The following PDE4D variants were observed in gnomAD, a reference collection of about 807,000 sequenced individuals.
PDE4D encodes the protein phosphodiesterase 4D.
PDE4D carries 24 observed loss-of-function variants against 87.4 expected under a neutral mutation model. The ratio of observed to expected loss-of-function variants is 0.27; its 90% CI spans 0.20 to 0.39. The LOEUF (loss-of-function observed/expected upper bound fraction) is 0.39. Among genes scored for constraint, PDE4D ranks in the 10% least tolerant of loss-of-function variants. The pLI, the probability that PDE4D is intolerant of heterozygous loss-of-function variation, is 1.00. For synonymous variants in PDE4D, 384 were observed against 383.2 expected (o/e 1.00, Z -0.02); for missense variants, 714 against 1,041.0 (o/e 0.69, Z 4.32).
At chr5:59,638,805 T>C (rs939414758) in intron 1 of PDE4D, among the ~76,000 whole-genome samples, 1 of 152,100 alleles carries the variant, frequency 6.6e-6, no homozygotes, top group Non-Finnish European at 1.5e-5. Flanking sequence ...ACAAATTTTC[T>C]TGAAAAAATG....
rs576299040 is a variant in PDE4D at position 60,197,436 on chromosome 5, T to C, written c.-89-11749A>G. ...CTCCTTAAGAAAAATACAAGTGAAT[T>C]ATTTTAAGACCTAATAATACTCTTG... is the stretch of plus-strand genomic sequence containing the variant. On this transcript the variant is annotated intron_variant, in intron 1 of 16. Coordinates refer to the PDE4D transcript ENST00000502484. Among the ~76,000 whole-genome samples, 46 of 151,702 alleles carry C rather than the reference T, an allele frequency of 3.0e-4. 1 individual carries two copies. The highest frequency in any genetic ancestry group is 5.8e-4 in the Non-Finnish European group (39 of 67,740).
chr5:59,486,242 A>G (rs1805125235), intron 1 of PDE4D, among the ~76,000 whole-genome samples: 1 of 152,138 alleles, frequency 6.6e-6, no homozygotes, highest in Non-Finnish European at 1.5e-5. Flanking sequence ...CTAGGAAACC[A>G]CATTATTTGA....
Position 59,270,746 on chromosome 5 carries a change from T to C in PDE4D, c.456-54778A>G, listed in dbSNP as rs908089556. On this transcript the variant is annotated intron_variant, in intron 1 of 14. Coordinates refer to ENST00000340635, the MANE Select transcript of PDE4D (RefSeq NM_001104631.2). ...AATGCATCTAGAAATATTCACAACATGAACACTTTTATGGCCATTAAAAAG... is the reference window on the plus strand; with the variant it reads ...AATGCATCTAGAAATATTCACAACACGAACACTTTTATGGCCATTAAAAAG... Among the ~76,000 whole-genome samples the C allele has an allele frequency of 8.5e-5, 13 of 152,212 alleles. No individual in the cohort carries two copies. In the East Asian group the frequency reaches 1.2e-3, roughly 14 times the overall value.
chr5:60,160,688 G>A (rs980580911), intron 2 of PDE4D: 5 of 294,810 alleles, frequency 1.7e-5, no homozygotes, highest in Non-Finnish European at 2.7e-5. Flanking sequence ...TGTTTCCTCA[G>A]TACTTTGACT....
chr5:59,907,129 C>T (rs1281480440), intron 3 of PDE4D, among the ~76,000 whole-genome samples: 1 of 152,060 alleles, frequency 6.6e-6, no homozygotes, highest in South Asian at 2.1e-4. Context: ...AACGCAGGAA[C>T]AGAAAACCGA....
intron 1 of PDE4D, among the ~76,000 whole-genome samples, chr5:59,425,642 A>G (rs897458327): frequency 1.4e-4 from 21 of 152,206 alleles, no homozygotes; most frequent in African/African-American, 4.8e-4. Flanking sequence ...ATGATTATAG[A>G]GTTCAAAATA....
At chr5:59,723,509 T>C (rs746439048) in intron 1 of PDE4D, among the ~76,000 whole-genome samples, 3 of 152,110 alleles carry the variant, frequency 2.0e-5, no homozygotes, top group Non-Finnish European at 4.4e-5. Context: ...TAAATACAGA[T>C]GAGGCGATCC....
At chr5:59,358,048 G>T (rs1179433698) in intron 1 of PDE4D, among the ~76,000 whole-genome samples, 1 of 152,160 alleles carries the variant, frequency 6.6e-6, no homozygotes, top group African/African-American at 2.4e-5. Context: ...GACCTCTAAA[G>T]CTCAATCTGT....
intron 1 of PDE4D, among the ~76,000 whole-genome samples, chr5:59,510,259 T>C (rs149610376): frequency 2.2e-4 from 34 of 151,492 alleles, no homozygotes; most frequent in Non-Finnish European, 3.7e-4. Flanking sequence ...TAAATCACTG[T>C]ATTAGAAATA....
At chr5:59,332,352 T>G (rs1044243630) in intron 1 of PDE4D, among the ~76,000 whole-genome samples, 1 of 152,190 alleles carries the variant, frequency 6.6e-6, no homozygotes, top group Non-Finnish European at 1.5e-5. Flanking sequence ...AGAAACACTG[T>G]TATTTTTATC....
chr5:60,046,544 A>T (rs1428216619), intron 2 of PDE4D, among the ~76,000 whole-genome samples: 1 of 152,180 alleles, frequency 6.6e-6, no homozygotes, highest in African/African-American at 2.4e-5. Flanking sequence ...ACATCCCATC[A>T]ATACCTAATT....
chr5:59,295,786 C>T (rs1768952365), intron 1 of PDE4D, among the ~76,000 whole-genome samples: 1 of 151,674 alleles, frequency 6.6e-6, no homozygotes, highest in Non-Finnish European at 1.5e-5. Context: ...TACCTCAGGC[C>T]CCCTCAGAAA....
chr5:59,211,106 C>A (rs1275352379), intron 2 of PDE4D, among the ~76,000 whole-genome samples: 1 of 152,064 alleles, frequency 6.6e-6, no homozygotes, highest in African/African-American at 2.4e-5. Flanking sequence ...GGCAACCAGC[C>A]TTTTGTTATC....
At chr5:59,947,445 C>T (rs2152802389) in intron 3 of PDE4D, among the ~76,000 whole-genome samples, 1 of 152,210 alleles carries the variant, frequency 6.6e-6, no homozygotes, top group Non-Finnish European at 1.5e-5. Flanking sequence ...AGGTAACAGC[C>T]TACAGATTGT....
chr5:60,372,223 A>G (rs997711895), intron 1 of PDE4D, among the ~76,000 whole-genome samples: 1 of 151,820 alleles, frequency 6.6e-6, no homozygotes, highest in Non-Finnish European at 1.5e-5. Flanking sequence ...CCTGCTGGCT[A>G]ATGAAGTTGA....
chr5:60,089,491 A>G (rs1291448759), intron 2 of PDE4D, among the ~76,000 whole-genome samples: 1 of 152,000 alleles, frequency 6.6e-6, no homozygotes, highest in Non-Finnish European at 1.5e-5. Flanking sequence ...TTTTCTTAGG[A>G]CAGATGAAAA....
intron 1 of PDE4D, among the ~76,000 whole-genome samples, chr5:59,378,521 C>A (rs1785134221): frequency 6.6e-6 from 1 of 151,978 alleles, no homozygotes; most frequent in African/African-American, 2.4e-5. Flanking sequence ...TTAAAAGCTC[C>A]AAGAAAAGTG....
chr5:60,061,277 T>C (rs1347421801), intron 2 of PDE4D, among the ~76,000 whole-genome samples: 1 of 151,998 alleles, frequency 6.6e-6, no homozygotes, highest in African/African-American at 2.4e-5. Flanking sequence ...AGCATTTCTT[T>C]ACACTAACAA....
chr5:59,211,613 T>G (rs2153503504), intron 2 of PDE4D, among the ~76,000 whole-genome samples: 1 of 152,234 alleles, frequency 6.6e-6, no homozygotes, highest in South Asian at 2.1e-4. Context: ...TTCAAAAGAT[T>G]AAGCTCATTG....
Sources: allele counts gnomAD v4.1 joint callset (sites outside exome capture counted in the v4.1 genomes callset), GRCh38; gene constraint gnomAD v4.1.1; transcripts MANE v1.5; gene names NCBI Gene and HGNC (gene_info 2026-07-23, HGNC 2026-07-21).